The following NRXN3 variants were observed in gnomAD, a reference collection of about 807,000 sequenced individuals.
The protein encoded by NRXN3 is neurexin 3.
NRXN3 carries 32 observed loss-of-function variants against 137.6 expected under a neutral mutation model. The ratio of observed to expected loss-of-function variants is 0.23; its 90% CI spans 0.18 to 0.31. NRXN3 has a LOEUF of 0.31. Among genes scored for constraint, NRXN3 ranks in the 10% least tolerant of loss-of-function variants. The probability of loss-of-function intolerance (pLI) is 1.00; values close to 1 mark genes in which losing one functional copy is unlikely to be tolerated. For synonymous variants in NRXN3, 798 were observed against 784.5 expected, an observed-to-expected ratio of 1.02 and a Z score of -0.29; for missense variants, 1,574 against 2,062.5, an observed-to-expected ratio of 0.76 and a Z score of 4.59.
chr14:78,582,872 G>A (rs141031750), intron 4 of NRXN3, among the ~76,000 whole-genome samples: 14 of 152,148 alleles, frequency 9.2e-5, no homozygotes, highest in African/African-American at 2.9e-4. Flanking sequence ...TATCCAAGAC[G>A]CTCTGTCCTG....
chr14:78,292,065 A>T (rs766651772), intron 3 of NRXN3, among the ~76,000 whole-genome samples: 2 of 152,234 alleles, frequency 1.3e-5, no homozygotes, highest in Non-Finnish European at 2.9e-5. Flanking sequence ...ATATTAGCTT[A>T]AATGATGGAG....
chr14:79,829,900 C>T (rs1329138358), intron 20 of NRXN3, among the ~76,000 whole-genome samples: 1 of 152,200 alleles, frequency 6.6e-6, no homozygotes, highest in Non-Finnish European at 1.5e-5. Context: ...ACTCAACACA[C>T]TCTGAATAGA....
chr14:79,053,634 GTT>G (rs945899309), intron 15 of NRXN3, among the ~76,000 whole-genome samples: 7 of 15,846 alleles, frequency 4.4e-4, no homozygotes, highest in Non-Finnish European at 3.9e-3. Flanking sequence ...GTGTGTGTGT[GTT>G]GTGTGTGTGT....
At chr14:79,380,529 A>G (rs1259308805) in intron 15 of NRXN3, among the ~76,000 whole-genome samples, 1 of 152,132 alleles carries the variant, frequency 6.6e-6, no homozygotes, top group African/African-American at 2.4e-5. Context: ...ACATGAACTC[A>G]TCCTTTTTTA....
chr14:78,368,979 C>CT (rs2086408383), intron 4 of NRXN3, among the ~76,000 whole-genome samples: 1 of 152,176 alleles, frequency 6.6e-6, no homozygotes, highest in African/African-American at 2.4e-5. Flanking sequence ...GTCTTCTGGG[C>CT]TGGACCAGCT....
At chr14:78,438,683 G>GAAGAGAAGGTCAC (rs777337075) in intron 4 of NRXN3, among the ~76,000 whole-genome samples, 3 of 152,176 alleles carry the variant, frequency 2.0e-5, no homozygotes, top group Non-Finnish European at 4.4e-5. Context: ...GCCCATGCCA[G>GAAGAGAAGGTCAC]AAGAGAAGGT....
At chr14:79,113,926 T>C (rs1046053520) in intron 15 of NRXN3, among the ~76,000 whole-genome samples, 2 of 152,230 alleles carry the variant, frequency 1.3e-5, no homozygotes, top group Non-Finnish European at 2.9e-5. Flanking sequence ...TCCCAGATAC[T>C]GTCCACGCTG....
intron 10 of NRXN3, among the ~76,000 whole-genome samples, chr14:78,945,926 GTTCACACTATT>G: frequency 6.6e-6 from 1 of 152,134 alleles, no homozygotes; most frequent in East Asian, 1.9e-4. Context: ...CTTCTAAGTG[GTTCACACTATT>G]TCTGCTCACA....
intron 15 of NRXN3, among the ~76,000 whole-genome samples, chr14:79,414,874 C>T (rs1944494604): frequency 6.6e-6 from 1 of 152,076 alleles, no homozygotes. Flanking sequence ...CCCCTATTTC[C>T]TGACCCCTGG....
intron 15 of NRXN3, among the ~76,000 whole-genome samples, chr14:79,160,786 C>T (rs908941586): frequency 1.3e-5 from 2 of 151,866 alleles, no homozygotes; most frequent in Admixed American, 6.6e-5. Context: ...TGACAGATGG[C>T]ACATGGTGGT....
intron 4 of NRXN3, among the ~76,000 whole-genome samples, chr14:78,504,485 G>A (rs1883014250): frequency 6.6e-6 from 1 of 152,110 alleles, no homozygotes; most frequent in South Asian, 2.1e-4. Context: ...ACTCCATGAT[G>A]TTCTTAAAGG....
chr14:79,147,598 C>G (rs1478983698), intron 15 of NRXN3, among the ~76,000 whole-genome samples: 1 of 152,084 alleles, frequency 6.6e-6, no homozygotes, highest in Non-Finnish European at 1.5e-5. Flanking sequence ...TTAACGAATA[C>G]CTTTCAAACC....
At position 78,968,487 on chromosome 14, in the gene NRXN3, T is replaced by C. The variant is rs964690971; in HGVS notation, c.3142+141T>C. 2.7e-5 allele frequency: 18 copies of C among 674,936 alleles called. No individual in the cohort carries two copies. In the African/African-American group the frequency reaches 2.7e-4, roughly 10 times the overall value. The allele number at this position is 674,936 out of a possible 1,614,324, so 41.8% of individuals were successfully genotyped here. On this transcript the variant is annotated intron_variant, in intron 14 of 20. Transcript: ENST00000335750. The stretch of plus-strand genomic sequence containing the variant: ...CCACGTGACATTGCATCACCATCAG[T>C]GTTCTCTTGTCACTGGTTTAGTATG...
chr14:78,249,090 C>G (rs1235885462), intron 2 of NRXN3, among the ~76,000 whole-genome samples: 2 of 152,206 alleles, frequency 1.3e-5, no homozygotes, highest in Admixed American at 1.3e-4. Context: ...GAGGGAAAAG[C>G]AATTTTTTAA....
chr14:78,993,420 C>T (rs2099523008), intron 15 of NRXN3, among the ~76,000 whole-genome samples: 1 of 151,960 alleles, frequency 6.6e-6, no homozygotes, highest in Admixed American at 6.6e-5. Flanking sequence ...TGTTCCAGAC[C>T]TATTGGTATA....
intron 16 of NRXN3, among the ~76,000 whole-genome samples, chr14:79,472,195 G>C (rs2096518826): frequency 6.6e-6 from 1 of 152,148 alleles, no homozygotes; most frequent in African/African-American, 2.4e-5. Context: ...TGGCTGAAGA[G>C]CACATTTTTT....
At chr14:78,488,706 A>T (rs989066249) in intron 4 of NRXN3, among the ~76,000 whole-genome samples, 1 of 148,628 alleles carries the variant, frequency 6.7e-6, no homozygotes, top group Non-Finnish European at 1.5e-5. Context: ...TGAAAGAAAG[A>T]GGGAGATGGA....
intron 15 of NRXN3, among the ~76,000 whole-genome samples, chr14:79,219,690 C>A (rs1641192546): frequency 6.6e-6 from 1 of 152,128 alleles, no homozygotes; most frequent in African/African-American, 2.4e-5. Flanking sequence ...CAAAGATTCA[C>A]AACTTTTAAT....
At chr14:79,856,224 T>G (rs993947870) in intron 20 of NRXN3, among the ~76,000 whole-genome samples, 1 of 152,150 alleles carries the variant, frequency 6.6e-6, no homozygotes, top group African/African-American at 2.4e-5. Context: ...TCTACTGTCT[T>G]CTCCCCAGGT....
Sources: gnomAD v4.1 joint callset for allele counts (sites outside exome capture counted in the v4.1 genomes callset) on GRCh38, gnomAD v4.1.1 for gene constraint, MANE v1.5 for transcripts, NCBI Gene and HGNC (gene_info 2026-07-23, HGNC 2026-07-21) for gene names.